Variants in UST observed in about 807,000 individuals in gnomAD.
UST encodes chondroitin sulfate 2-O-sulfotransferase.
Under a neutral mutation model 45.6 loss-of-function variants are expected in UST, and 21 were observed. The observed-to-expected ratio is 0.46, with a 90% confidence interval of 0.33 to 0.66. The LOEUF is 0.66. UST is among the 30% of genes least tolerant of loss of function. UST has a pLI of 0.02. For synonymous variants in UST, 215 were observed against 200.6 expected, an observed-to-expected ratio of 1.07 and a Z score of -0.61; for missense variants, 463 against 512.4, an observed-to-expected ratio of 0.90 and a Z score of 0.93.
At chr6:148,995,438 T>C (rs1781435733) in intron 5 of UST, among the ~76,000 whole-genome samples, 1 of 152,164 alleles carries the variant, frequency 6.6e-6, no homozygotes, top group South Asian at 2.1e-4. Flanking sequence ...GATCATCTGA[T>C]GGCTAAGCCA....
intron 1 of UST, among the ~76,000 whole-genome samples, chr6:148,808,450 GC>G (rs1777191990): frequency 6.6e-6 from 1 of 151,982 alleles, no homozygotes; most frequent in Non-Finnish European, 1.5e-5. Context: ...TTCTACTCCT[GC>G]CCTGGCAGCC....
chr6:148,792,115 A>G (rs552380965), intron 1 of UST, among the ~76,000 whole-genome samples: 8 of 152,274 alleles, frequency 5.3e-5, no homozygotes, highest in African/African-American at 9.6e-5. Flanking sequence ...AAAGGATGAG[A>G]TGGATGTCTC....
intron 2 of UST, among the ~76,000 whole-genome samples, chr6:148,931,236 G>C (rs1253659686): frequency 6.6e-6 from 1 of 152,218 alleles, no homozygotes; most frequent in African/African-American, 2.4e-5. Context: ...TAGCAAATGA[G>C]TTTTGAGGTT....
At chr6:148,986,613 G>T (rs551278526) in intron 5 of UST, among the ~76,000 whole-genome samples, 3 of 152,222 alleles carry the variant, frequency 2.0e-5, no homozygotes, top group Non-Finnish European at 2.9e-5. Context: ...GCATTTGCCG[G>T]TACACCACTG....
At chr6:148,901,280 T>C (rs981149400) in intron 2 of UST, among the ~76,000 whole-genome samples, 3 of 152,234 alleles carry the variant, frequency 2.0e-5, no homozygotes, top group Non-Finnish European at 2.9e-5. Context: ...TGACATGATA[T>C]GGAATTCCAG....
chr6:148,856,355 G>A (rs2114793433), intron 1 of UST, among the ~76,000 whole-genome samples: 1 of 152,224 alleles, frequency 6.6e-6, no homozygotes, highest in South Asian at 2.1e-4. Flanking sequence ...AGGTAAATAG[G>A]GGAAACGTTC....
chr6:148,930,689 G>A (rs1226126724), intron 2 of UST, among the ~76,000 whole-genome samples: 1 of 152,154 alleles, frequency 6.6e-6, no homozygotes, highest in East Asian at 1.9e-4. Flanking sequence ...AAGTCATGTG[G>A]CCAGTCTAGA....
chr6:149,053,769 C>T lies in UST; in HGVS notation c.938-20064C>T, dbSNP rs564050695. ...TTATCGAAGCACCGGGTCTAAATAC[C>T]TCAGGGAATGCACAGAAGCCTGATG... On this transcript the variant is annotated intron_variant, in intron 7 of 7. Transcript: ENST00000367463. 9.8e-5 allele frequency among the ~76,000 whole-genome samples: 15 copies of T among 152,298 alleles called. No individual in the cohort carries two copies. The East Asian group carries it at 2.9e-3, about 29-fold the overall frequency.
intron 1 of UST, among the ~76,000 whole-genome samples, chr6:148,867,678 A>G (rs555208887): frequency 3.9e-5 from 6 of 152,088 alleles, no homozygotes; most frequent in Non-Finnish European, 8.8e-5. Flanking sequence ...GCCACCATGT[A>G]AGATGTGCCT....
intron 1 of UST, among the ~76,000 whole-genome samples, chr6:148,824,212 T>A (rs1383688755): frequency 6.6e-6 from 1 of 152,214 alleles, no homozygotes; most frequent in Admixed American, 6.5e-5. Flanking sequence ...AGAAGCATGC[T>A]CAGATGGTCT....
At chr6:148,804,849 T>A (rs1374483223) in intron 1 of UST, among the ~76,000 whole-genome samples, 2 of 150,012 alleles carry the variant, frequency 1.3e-5, no homozygotes, top group Non-Finnish European at 3.0e-5. Flanking sequence ...TACTTCATTT[T>A]ATGAACCATC....
Position 148,777,457 on chromosome 6 carries a change from A to T in UST, c.247+29780A>T, listed in dbSNP as rs1482563471. On this transcript the variant is annotated intron_variant, in intron 1 of 7. Coordinates refer to ENST00000367463, the MANE Select transcript of UST (RefSeq NM_005715.3). ...CTTTTATTGTATAGTCATGTGCCAC[A>T]TAATGATGCTTTGGTAAAGGATAGA... Among the ~76,000 whole-genome samples, 6 of 152,380 alleles carry T rather than the reference A, an allele frequency of 3.9e-5. No homozygotes were observed. The East Asian group carries it at 1.2e-3, about 29-fold the overall frequency.
chr6:148,832,304 T>A (rs922731166), intron 1 of UST, among the ~76,000 whole-genome samples: 1 of 152,250 alleles, frequency 6.6e-6, no homozygotes, highest in African/African-American at 2.4e-5. Context: ...TCTTCCTGAC[T>A]CTGAGATGTA....
chr6:148,944,537 A>ACG (rs1780195709), intron 3 of UST, among the ~76,000 whole-genome samples: 1 of 151,828 alleles, frequency 6.6e-6, no homozygotes, highest in Non-Finnish European at 1.5e-5. Flanking sequence ...ACACACACAC[A>ACG]CACACACACA....
intron 7 of UST, among the ~76,000 whole-genome samples, chr6:149,058,482 A>G (rs1487201657): frequency 6.6e-6 from 1 of 152,086 alleles, no homozygotes; most frequent in Non-Finnish European, 1.5e-5. Flanking sequence ...GTAGAGAAAA[A>G]GAATCCTGTC....
chr6:148,861,109 G>A (rs9390617), intron 1 of UST, among the ~76,000 whole-genome samples: 32,118 of 152,090 alleles, frequency 0.21, 3,601 homozygotes, highest in East Asian at 0.4. Flanking sequence ...GAATTCAGAC[G>A]TGAATTCGTC....
intron 2 of UST, among the ~76,000 whole-genome samples, chr6:148,892,108 A>G (rs1779031635): frequency 6.6e-6 from 1 of 152,182 alleles, no homozygotes; most frequent in Non-Finnish European, 1.5e-5. Context: ...TTAGAAATAT[A>G]TTGTTCATTC....
In UST at chr6:148,748,229, C is replaced by A. The variant is rs190907602; in HGVS notation, c.247+552C>A. Among the ~76,000 whole-genome samples the A allele has an allele frequency of 2.8e-3, 430 of 152,122 alleles. 1 individual carries two copies. Among genetic ancestry groups the A allele is most frequent in the African/African-American group, 9.8e-3 (407 of 41,516 alleles). On this transcript the variant is annotated intron_variant, in intron 1 of 7. Transcript: ENST00000367463. This position sits in a 1 kb window ranked among gnomAD's most constrained non-coding sequence, Gnocchi z 5.3. ...CGCGCTGTCCCCGGGCTGGCTTGTC[C>A]CTTGGCTGCCGCTGCCCACCCCGCC... is the stretch of plus-strand genomic sequence containing the variant.
chr6:149,011,616 G>T (rs1775811816), intron 5 of UST, among the ~76,000 whole-genome samples: 1 of 152,156 alleles, frequency 6.6e-6, no homozygotes, highest in Non-Finnish European at 1.5e-5. Context: ...TTCGAGACCA[G>T]CCTGGCTAAC....
Sources: gnomAD v4.1 joint callset for allele counts (sites outside exome capture counted in the v4.1 genomes callset) on GRCh38, gnomAD v4.1.1 for gene constraint, Gnocchi (gnomAD v3.1) non-coding constraint, MANE v1.5 for transcripts, NCBI Gene and HGNC (gene_info 2026-07-23, HGNC 2026-07-21) for gene names.